Variants in RADIL observed in about 807,000 individuals in gnomAD.
RADIL encodes the protein ras-associating and dilute domain-containing protein.
Under a neutral mutation model 97.6 loss-of-function variants are expected in RADIL, and 99 were observed. The observed-to-expected ratio is 1.01, with a 90% CI of 0.86 to 1.20. The LOEUF is 1.20. Ranked by LOEUF, RADIL falls within the 50% of genes most tolerant of loss-of-function variation. The pLI, the probability that RADIL is intolerant of heterozygous loss-of-function variation, is 0.00. For synonymous variants in RADIL, 803 were observed against 691.8 expected (o/e 1.16, Z -2.52); for missense variants, 1,765 against 1,498.9 (o/e 1.18, Z -2.93).
chr7:4,832,497 G>A (rs1783173284), intron 4 of RADIL, among the ~76,000 whole-genome samples: 1 of 152,180 alleles, frequency 6.6e-6, no homozygotes, highest in Non-Finnish European at 1.5e-5. Flanking sequence ...CCAGCACTTT[G>A]GGAGGCTGAG....
chr7:4,871,287 G>C (rs1230537597), intron 2 of RADIL, among the ~76,000 whole-genome samples: 4 of 152,356 alleles, frequency 2.6e-5, no homozygotes, highest in Middle Eastern at 3.4e-3. Flanking sequence ...TCAAGTCAGA[G>C]TCATAGCGGA....
At position 4,854,672 on chromosome 7, in the gene RADIL, C is replaced by T. The variant is rs536631855; in HGVS notation, c.536-18067G>A. Among the ~76,000 whole-genome samples, 92 of 152,246 alleles carry T rather than the reference C, an allele frequency of 6.0e-4. 2 individuals carry two copies. The South Asian group carries it at 0.017, about 27-fold the overall frequency. Reference sequence around the variant, plus strand: ...TGGCGCCACCGCACTCCACCCTGGGCGACAGAGCGAGACTCCGTATCAAAA... The same window carrying T: ...TGGCGCCACCGCACTCCACCCTGGGTGACAGAGCGAGACTCCGTATCAAAA... On this transcript the variant is annotated intron_variant, in intron 2 of 14. Coordinates refer to ENST00000399583, the MANE Select transcript of RADIL (RefSeq NM_018059.5). The surrounding 1 kb of genome is among the most constrained non-coding windows in gnomAD (Gnocchi z 5.1).
intron 2 of RADIL, chr7:4,838,146 C>T: frequency 1.2e-6 from 1 of 812,298 alleles, no homozygotes; most frequent in Non-Finnish European, 1.5e-6. Context: ...CGTGCTCCTG[C>T]CGCCTGCAGA....
At chr7:4,863,923 T>A (rs1784078007) in intron 2 of RADIL, among the ~76,000 whole-genome samples, 1 of 152,210 alleles carries the variant, frequency 6.6e-6, no homozygotes, top group Admixed American at 6.5e-5. Flanking sequence ...TCAGCTACAA[T>A]CCTGAGGTTT....
At position 4,808,916 on chromosome 7, in the gene RADIL, C is replaced by T; in HGVS notation, c.2140-3200G>A. Reference sequence around the variant, plus strand: ...CCCCGTTCCGACGCCACTGCCCCCCCACGTCTCCTTCCAACGCCACTGCCC... The same window carrying T: ...CCCCGTTCCGACGCCACTGCCCCCCTACGTCTCCTTCCAACGCCACTGCCC... On this transcript the variant is annotated intron_variant, in intron 9 of 14. Coordinates refer to ENST00000399583, the MANE Select transcript of RADIL (RefSeq NM_018059.5). The T allele has an allele frequency of 6.6e-6, 6 of 905,566 alleles. 1 individual carries two copies. Among genetic ancestry groups the T allele is most frequent in the South Asian group, 1.1e-4 (2 of 18,192 alleles). The allele number at this position is 905,566 out of a possible 1,614,324, so 56.1% of individuals were successfully genotyped here.
intron 2 of RADIL, among the ~76,000 whole-genome samples, chr7:4,838,543 C>T (rs1562445020): frequency 6.6e-6 from 1 of 152,170 alleles, no homozygotes; most frequent in Non-Finnish European, 1.5e-5. Context: ...CTGAGTGTAC[C>T]CTGCTCCTCC....
At chr7:4,828,289 T>C (rs1218484365) in intron 5 of RADIL, among the ~76,000 whole-genome samples, 1 of 152,188 alleles carries the variant, frequency 6.6e-6, no homozygotes, top group African/African-American at 2.4e-5. Context: ...TGAAATTCCA[T>C]CTCTACAAAA....
At chr7:4,810,555 A>T (rs1205345092) in intron 9 of RADIL, among the ~76,000 whole-genome samples, 1 of 152,192 alleles carries the variant, frequency 6.6e-6, no homozygotes, top group African/African-American at 2.4e-5. Context: ...TTGTTGATAA[A>T]TAGAATATGG....
At position 4,822,203 on chromosome 7, in the gene RADIL, C is replaced by T. The variant is rs533893681; in HGVS notation, c.1615+191G>A. Among the ~76,000 whole-genome samples the T allele has an allele frequency of 2.6e-5, 4 of 152,228 alleles. No individual in the cohort carries two copies. The highest frequency in any genetic ancestry group is 1.9e-4 in the East Asian group (1 of 5,150). On this transcript the variant is annotated intron_variant, in intron 6 of 14. Coordinates refer to ENST00000399583, the MANE Select transcript of RADIL (RefSeq NM_018059.5). This position sits in a 1 kb window ranked among gnomAD's most constrained non-coding sequence, Gnocchi z 5.3. ...TGTGGGGGGAGGTGCCAGACTGGCC[C>T]GTGCCACCAGCACCAGCCTCACAGG... is the stretch of plus-strand genomic sequence containing the variant.
At chr7:4,874,134 C>G (rs1009636013) in intron 2 of RADIL, among the ~76,000 whole-genome samples, 3 of 152,238 alleles carry the variant, frequency 2.0e-5, no homozygotes, top group Non-Finnish European at 2.9e-5. Context: ...GAGGCCGCCT[C>G]CAACCCACGG....
chr7:4,858,352 C>G (rs1276144762), intron 2 of RADIL: 2 of 152,320 alleles, frequency 1.3e-5, no homozygotes, highest in African/African-American at 4.8e-5. Context: ...ACTCAACTTT[C>G]ATTCATTCAC....
chr7:4,816,228 C>A lies in RADIL; in HGVS notation c.1966G>T (p.Gly656Cys). 6.2e-7 allele frequency: 1 copy of A among 1,608,612 alleles called. No homozygotes were observed. Among genetic ancestry groups the A allele is most frequent in the South Asian group, 1.1e-5 (1 of 90,876 alleles). The change falls in exon 8 of 15, where the codon GGC (glycine) becomes TGC (cysteine). Residue 656 changes from glycine to cysteine, a missense_variant and splice_region_variant. By Grantham distance (159) the Gly-to-Cys change is radical. Coordinates refer to ENST00000399583, the MANE Select transcript of RADIL (RefSeq NM_018059.5). ...CCTCAACCCTGCACGAGGCCCTCAC[C>A]CCTGTCGAGGAGCTGGTTGAGAAGC... ...TLLLNQLLDR[G>C]PSLSCFHWPR...
At position 4,835,167 on chromosome 7, in the gene RADIL, T is replaced by C. The variant is rs753543224; in HGVS notation, c.856A>G (p.Ile286Val). The C allele has an allele frequency of 1.2e-6, 2 of 1,611,798 alleles. No homozygotes were observed. The highest frequency in any genetic ancestry group is 1.7e-6 in the Non-Finnish European group (2 of 1,179,528). ...GQRTPSSKPS[I>V]SLSAPDILPL... ...AGGATGTCGGGGGCTGAGAGGCTGA[T>C]GCTGGGCTTGCTGGAGGGGGTCCGC... Residue 286 changes from isoleucine to valine, a missense_variant, in exon 4 of 15, where the codon ATC becomes GTC. By Grantham distance (29) the Ile-to-Val change is conservative. Coordinates refer to ENST00000399583, the MANE Select transcript of RADIL (RefSeq NM_018059.5). This position sits in a 1 kb window ranked among gnomAD's most constrained non-coding sequence, Gnocchi z 5.8.
At chr7:4,805,057 G>A (rs961265982) in intron 10 of RADIL, among the ~76,000 whole-genome samples, 2 of 152,108 alleles carry the variant, frequency 1.3e-5, no homozygotes, top group Non-Finnish European at 2.9e-5. Context: ...TTGCACCACT[G>A]CACTCCAGCC....
In RADIL at chr7:4,822,356, G is replaced by T; in HGVS notation, c.1615+38C>A. 1 of 1,583,380 alleles carries T rather than the reference G, an allele frequency of 6.3e-7. No homozygotes were observed. On this transcript the variant is annotated intron_variant, in intron 6 of 14. Coordinates refer to ENST00000399583, the MANE Select transcript of RADIL (RefSeq NM_018059.5). This position sits in a 1 kb window ranked among gnomAD's most constrained non-coding sequence, Gnocchi z 5.3. The stretch of plus-strand genomic sequence containing the variant: ...GAGATGCCACACTCCCCTGCCTGGG[G>T]TGCTGGCGGGGGGAATGGAGGGCAG...
In RADIL at chr7:4,813,074, TTCTCTC is replaced by T. The variant is rs201029653; in HGVS notation, c.2139+2198_2139+2203del. Among the ~76,000 whole-genome samples the T allele has an allele frequency of 0.035, 5,235 of 147,776 alleles. 122 individuals carry two copies. The highest frequency in any genetic ancestry group is 0.076 in the Middle Eastern group (22 of 288). On this transcript the variant is annotated intron_variant, in intron 9 of 14. Transcript: ENST00000399583. This position sits in a 1 kb window ranked among gnomAD's most constrained non-coding sequence, Gnocchi z 5.0. ...TTCATCCTTACCCCAAGGTTCTTCT[TTCTCTC>T]TCTCTCTCTCTCTCTCTCTCTTTCC...
chr7:4,875,465 T>C (rs940578744), intron 2 of RADIL, among the ~76,000 whole-genome samples: 5 of 150,992 alleles, frequency 3.3e-5, no homozygotes, highest in African/African-American at 1.2e-4. Context: ...GGCCCCACCA[T>C]CCTACACTGG....
Position 4,814,702 on chromosome 7 carries a change from G to A in RADIL, c.2139+576C>T, listed in dbSNP as rs371412945. 3.3e-5 allele frequency among the ~76,000 whole-genome samples: 5 copies of A among 152,318 alleles called. No individual in the cohort carries two copies. Among genetic ancestry groups the A allele is most frequent in the East Asian group, 3.9e-4 (2 of 5,192 alleles). Reference sequence around the variant, plus strand: ...AGCTCCGCGGCTCCACAGCTCAGCCGGGTCTCACAGAGCTGACAGCAAGAT... The same window carrying A: ...AGCTCCGCGGCTCCACAGCTCAGCCAGGTCTCACAGAGCTGACAGCAAGAT... On this transcript the variant is annotated intron_variant, in intron 9 of 14. Transcript: ENST00000399583. The surrounding 1 kb of genome is among the most constrained non-coding windows in gnomAD (Gnocchi z 4.5).
rs1456803422 is a variant in RADIL, at chr7:4,803,170, C to T, written c.2499+376G>A. Among the ~76,000 whole-genome samples, 61 of 73,904 alleles carry T rather than the reference C, an allele frequency of 8.3e-4. 2 individuals carry two copies. The highest frequency in any genetic ancestry group is 2.5e-3 in the Admixed American group (24 of 9,508). The allele number at this position is 73,904 out of a possible 152,430, so 48.5% of individuals were successfully genotyped here. ...GGCTGGGTCCCCTCCCCGGGCACCTCGGGGCACGCTGGCTGGGGGGCCCCC... is the reference window on the plus strand; with the variant it reads ...GGCTGGGTCCCCTCCCCGGGCACCTTGGGGCACGCTGGCTGGGGGGCCCCC... On this transcript the variant is annotated intron_variant, in intron 11 of 14. Transcript: ENST00000399583.
Sources: allele counts gnomAD v4.1 joint callset (sites outside exome capture counted in the v4.1 genomes callset), GRCh38; gene constraint gnomAD v4.1.1; non-coding constraint Gnocchi (gnomAD v3.1); transcripts MANE v1.5; gene names NCBI Gene and HGNC (gene_info 2026-07-23, HGNC 2026-07-21).